Variants in OTULIN observed in about 807,000 individuals in gnomAD.
OTULIN encodes the protein OTU deubiquitinase with linear linkage specificity, also known as ubiquitin thioesterase otulin.
A neutral mutation model predicts 39.6 loss-of-function variants in OTULIN; 15 were observed. That is an observed-to-expected ratio of 0.38 (90% confidence interval 0.25 to 0.58). The LOEUF (loss-of-function observed/expected upper bound fraction) is 0.58, where lower values mean the gene tolerates loss of function less well. Ranked by LOEUF, OTULIN falls within the 20% of genes least tolerant of loss-of-function variation. OTULIN has a pLI of 0.66. For missense variants in OTULIN, 319 were observed against 445.9 expected (o/e 0.72, Z 2.56); for synonymous variants, 156 against 170.3 (o/e 0.92, Z 0.65).
At chr5:14,666,615 C>T (rs1483682796) in intron 1 of OTULIN, among the ~76,000 whole-genome samples, 1 of 152,164 alleles carries the variant, frequency 6.6e-6, no homozygotes, top group East Asian at 1.9e-4. Flanking sequence ...AGTTTGCTTC[C>T]CAGTAGATGT....
At position 14,693,299 on chromosome 5, in the gene OTULIN, C is replaced by T; in HGVS notation, c.*251C>T. ...AGCACACCTGTTGGACGGTGCAAAC[C>T]ATATCTTCTCCAGAAGGCAAATACT... On this transcript the variant is annotated 3_prime_UTR_variant, in exon 7 of 7. Transcript: ENST00000284274. 2.8e-6 allele frequency: 1 copy of T among 362,308 alleles called. No homozygotes were observed. The highest frequency in any genetic ancestry group is 5.0e-6 in the Non-Finnish European group (1 of 202,000). The allele number at this position is 362,308 out of a possible 1,614,324, so 22.4% of individuals were successfully genotyped here. A position where few individuals can be genotyped will look rare whatever the true frequency, so the allele number is the denominator to read the frequency against.
the OTULIN span, among the ~76,000 whole-genome samples, chr5:14,714,991 A>G: frequency 6.6e-6 from 1 of 152,134 alleles, no homozygotes; most frequent in Non-Finnish European, 1.5e-5. Flanking sequence ...TGTCTACCCA[A>G]CAAGTACAGA....
At chr5:14,682,087 G>T (rs752184308) in intron 4 of OTULIN, among the ~76,000 whole-genome samples, 1 of 152,208 alleles carries the variant, frequency 6.6e-6, no homozygotes, top group Non-Finnish European at 1.5e-5. Context: ...GCTTCCTGAG[G>T]AGCTGAGACT....
intron 4 of OTULIN, among the ~76,000 whole-genome samples, chr5:14,682,691 A>G (rs1400119169): frequency 6.6e-6 from 1 of 152,220 alleles, no homozygotes; most frequent in Non-Finnish European, 1.5e-5. Flanking sequence ...GCTAGCAATG[A>G]TCACAAAGCC....
intron 3 of OTULIN, among the ~76,000 whole-genome samples, chr5:14,679,279 C>G (rs1030403228): frequency 6.6e-6 from 1 of 152,162 alleles, no homozygotes; most frequent in African/African-American, 2.4e-5. Context: ...ATTGGAGATT[C>G]ATATGATGTG....
In OTULIN at chr5:14,672,499, A is replaced by AT. The variant is rs1327218756; in HGVS notation, c.153-1133dup. Among the ~76,000 whole-genome samples, 369 of 149,928 alleles carry AT rather than the reference A, an allele frequency of 2.5e-3. 3 individuals carry two copies. The highest frequency in any genetic ancestry group is 8.6e-3 in the African/African-American group (349 of 40,804). ...GGGATATCTCAGTCATTCACTGAATATTTTTTTTTTAGCCTGGCACCTCCT... is the reference window on the plus strand; with the variant it reads ...GGGATATCTCAGTCATTCACTGAATATTTTTTTTTTTAGCCTGGCACCTCCT... On this transcript the variant is annotated intron_variant, in intron 1 of 6. Coordinates refer to ENST00000284274, the MANE Select transcript of OTULIN (RefSeq NM_138348.6).
intron 1 of OTULIN, among the ~76,000 whole-genome samples, chr5:14,666,128 A>C (rs910834796): frequency 1.3e-5 from 2 of 152,166 alleles, no homozygotes; most frequent in African/African-American, 4.8e-5. Flanking sequence ...TGGTGAGAAC[A>C]GTGCGCTTAA....
intron 1 of OTULIN, among the ~76,000 whole-genome samples, chr5:14,672,127 G>T (rs1735994325): frequency 6.6e-6 from 1 of 152,188 alleles, no homozygotes; most frequent in Non-Finnish European, 1.5e-5. Context: ...TTTGGCAGGG[G>T]GCAGGTCAGG....
At chr5:14,681,722 T>C in intron 4 of OTULIN, 115 bp downstream of exon 4, 1 of 1,233,934 alleles carries the variant, frequency 8.1e-7, no homozygotes, top group Non-Finnish European at 1.1e-6. Context: ...TGTCAGCATG[T>C]GCGTTTATTC....
chr5:14,715,120 C>T, the OTULIN span, among the ~76,000 whole-genome samples: 2 of 152,232 alleles, frequency 1.3e-5, no homozygotes, highest in African/African-American at 4.8e-5. Flanking sequence ...CCTGGGGCTC[C>T]ATGGCTCCTT....
intron 1 of OTULIN, among the ~76,000 whole-genome samples, chr5:14,668,924 GTT>G (rs1175610052): frequency 6.6e-6 from 1 of 152,112 alleles, no homozygotes; most frequent in Non-Finnish European, 1.5e-5. Flanking sequence ...TTTAAAATAA[GTT>G]TTCAAAAATT....
the OTULIN span, chr5:14,706,440 C>T: frequency 6.6e-6 from 1 of 152,232 alleles, no homozygotes; most frequent in South Asian, 2.1e-4. Context: ...CTTTGATGCT[C>T]TTCCCAGCAG....
intron 1 of OTULIN, 117 bp downstream of exon 1, chr5:14,665,094 G>A: frequency 1.2e-6 from 1 of 836,266 alleles, no homozygotes. Flanking sequence ...AATTCTGAGT[G>A]AGGCCGTTGG....
the OTULIN span, chr5:14,707,105 T>C: frequency 6.6e-6 from 1 of 152,220 alleles, no homozygotes; most frequent in Non-Finnish European, 1.5e-5. Context: ...GTCCTAAGTT[T>C]AGAAGTCAGC....
chr5:14,692,778 A>G (rs1380810418), intron 6 of OTULIN, 76 bp from the exon 7 acceptor site: 5 of 1,314,726 alleles, frequency 3.8e-6, no homozygotes, highest in Non-Finnish European at 5.4e-6. Flanking sequence ...ACTGTGGGAT[A>G]ATGGATGGAA....
intron 3 of OTULIN, among the ~76,000 whole-genome samples, chr5:14,681,166 A>G (rs1450456993): frequency 6.6e-6 from 1 of 152,044 alleles, no homozygotes; most frequent in Non-Finnish European, 1.5e-5. Flanking sequence ...TGTTTTGGAA[A>G]CTTGGGGTTT....
intron 4 of OTULIN, among the ~76,000 whole-genome samples, chr5:14,684,073 T>C (rs1288441450): frequency 2.6e-5 from 4 of 152,246 alleles, no homozygotes; most frequent in African/African-American, 9.6e-5. Context: ...TCCAGTTTCT[T>C]TCCTTTTCTA....
chr5:14,713,448 C>T, the OTULIN span: 1 of 1,519,576 alleles, frequency 6.6e-7, no homozygotes, highest in East Asian at 2.4e-5. The surrounding 1 kb of genome is among the most constrained non-coding windows in gnomAD (Gnocchi z 4.4). Flanking sequence ...TCTAGACGTG[C>T]CTGGGGATTT....
chr5:14,665,341 C>G, intron 1 of OTULIN, among the ~76,000 whole-genome samples: 1 of 152,184 alleles, frequency 6.6e-6, no homozygotes. Flanking sequence ...GAAGTGAGGT[C>G]GACCCTGCTG....
Sources: gnomAD v4.1 joint callset for allele counts (sites outside exome capture counted in the v4.1 genomes callset) on GRCh38, gnomAD v4.1.1 for gene constraint, Gnocchi (gnomAD v3.1) non-coding constraint, MANE v1.5 for transcripts, NCBI Gene and HGNC (gene_info 2026-07-23, HGNC 2026-07-21) for gene names.